The following CCSER1 variants were observed in gnomAD, a reference collection of about 807,000 sequenced individuals.
CCSER1 encodes the protein serine-rich coiled-coil domain-containing protein 1.
Under a neutral mutation model 82.0 loss-of-function variants are expected in CCSER1, and 41 were observed. The ratio of observed to expected loss-of-function variants is 0.50; its 90% CI spans 0.39 to 0.65. CCSER1 has a LOEUF of 0.65. CCSER1 is among the 30% of genes least tolerant of loss of function. The pLI is 0.00. For synonymous variants in CCSER1, 414 were observed against 383.9 expected, an observed-to-expected ratio of 1.08 and a Z score of -0.92; for missense variants, 1,119 against 1,064.2, an observed-to-expected ratio of 1.05 and a Z score of -0.72.
At chr4:91,532,187 T>A (rs941041047) in intron 10 of CCSER1, among the ~76,000 whole-genome samples, 1 of 152,210 alleles carries the variant, frequency 6.6e-6, no homozygotes, top group Non-Finnish European at 1.5e-5. Context: ...GGTCTTCATA[T>A]TGAAGGAGAG....
At chr4:90,544,272 C>T (rs938890654) in intron 5 of CCSER1, among the ~76,000 whole-genome samples, 1 of 152,058 alleles carries the variant, frequency 6.6e-6, no homozygotes, top group Non-Finnish European at 1.5e-5. Context: ...GTTGTAAGTC[C>T]AGGTGTCCCC....
chr4:90,958,289 T>G (rs1375098066), intron 9 of CCSER1, among the ~76,000 whole-genome samples: 9 of 152,208 alleles, frequency 5.9e-5, no homozygotes, highest in Non-Finnish European at 1.3e-4. Context: ...AAGTTTATAA[T>G]AAGTAACTAG....
chr4:91,022,157 C>A (rs1361778486), intron 9 of CCSER1, among the ~76,000 whole-genome samples: 4 of 129,208 alleles, frequency 3.1e-5, no homozygotes, highest in Non-Finnish European at 6.5e-5. Context: ...CCCCCTCCCC[C>A]CACCCCACAC....
chr4:90,718,889 GC>G (rs545255112), intron 6 of CCSER1, among the ~76,000 whole-genome samples: 148 of 152,058 alleles, frequency 9.7e-4, no homozygotes, highest in Non-Finnish European at 1.8e-3. Context: ...TCCAACCTCA[GC>G]AGAGTACATT....
At chr4:90,902,809 G>T (rs964633307) in intron 8 of CCSER1, among the ~76,000 whole-genome samples, 1 of 152,020 alleles carries the variant, frequency 6.6e-6, no homozygotes, top group Non-Finnish European at 1.5e-5. Context: ...GTAGGTTGAT[G>T]ATGAGTGGAA....
At chr4:90,615,316 CATA>C (rs1412019065) in intron 5 of CCSER1, among the ~76,000 whole-genome samples, 9 of 152,112 alleles carry the variant, frequency 5.9e-5, no homozygotes, top group African/African-American at 2.2e-4. Flanking sequence ...CTCAAGTCTT[CATA>C]TTTAAGAAAT....
At position 91,098,565 on chromosome 4, in the gene CCSER1, G is replaced by A. The variant is rs183224372; in HGVS notation, c.2217+12571G>A. Among the ~76,000 whole-genome samples the A allele has an allele frequency of 2.7e-5, 4 of 147,182 alleles. No individual in the cohort carries two copies. The East Asian group carries it at 5.9e-4, about 22-fold the overall frequency. On this transcript the variant is annotated intron_variant, in intron 10 of 10. Transcript: ENST00000509176. Reference sequence around the variant, plus strand: ...GATAATTTTTTTTTTTTTTTGAGATGGAGTCTTGCTGTGTTGCCCAGGCTG... The same window carrying A: ...GATAATTTTTTTTTTTTTTTGAGATAGAGTCTTGCTGTGTTGCCCAGGCTG...
At chr4:90,804,034 C>A (rs1265901782) in intron 7 of CCSER1, among the ~76,000 whole-genome samples, 1 of 152,064 alleles carries the variant, frequency 6.6e-6, no homozygotes, top group Non-Finnish European at 1.5e-5. Flanking sequence ...CTGTTCATAT[C>A]CTTTGCCCAC....
intron 6 of CCSER1, among the ~76,000 whole-genome samples, chr4:90,710,355 T>C (rs1174610215): frequency 6.6e-6 from 1 of 152,194 alleles, no homozygotes; most frequent in Non-Finnish European, 1.5e-5. Flanking sequence ...TGGTCAATTT[T>C]TGCTTTTGCT....
At chr4:90,664,799 C>T (rs1484293850) in intron 6 of CCSER1, among the ~76,000 whole-genome samples, 1 of 152,088 alleles carries the variant, frequency 6.6e-6, no homozygotes, top group Non-Finnish European at 1.5e-5. Context: ...ACTCGGGAGG[C>T]TGAGGCAGGA....
chr4:90,236,652 G>T (rs1199045306), intron 1 of CCSER1, among the ~76,000 whole-genome samples: 1 of 152,018 alleles, frequency 6.6e-6, no homozygotes, highest in Non-Finnish European at 1.5e-5. Context: ...TTAGAATAAG[G>T]TGAGGTTCTT....
At chr4:90,631,435 C>G (rs1030979455) in intron 6 of CCSER1, among the ~76,000 whole-genome samples, 2 of 152,044 alleles carry the variant, frequency 1.3e-5, no homozygotes, top group Non-Finnish European at 2.9e-5. Flanking sequence ...TTCTTGTGAG[C>G]AAATCAAGTT....
chr4:91,500,367 A>G (rs551462173), intron 10 of CCSER1, among the ~76,000 whole-genome samples: 8 of 152,164 alleles, frequency 5.3e-5, no homozygotes, highest in South Asian at 4.1e-4. Context: ...TATATTTTGG[A>G]TAAGTCCTTT....
At chr4:91,336,349 C>A (rs1012258892) in intron 10 of CCSER1, among the ~76,000 whole-genome samples, 1 of 152,024 alleles carries the variant, frequency 6.6e-6, no homozygotes, top group South Asian at 2.1e-4. Flanking sequence ...ATTTAATATT[C>A]TATAAAGCTA....
chr4:90,376,065 T>A (rs1312816364), intron 3 of CCSER1, among the ~76,000 whole-genome samples: 1 of 152,118 alleles, frequency 6.6e-6, no homozygotes, highest in African/African-American at 2.4e-5. Flanking sequence ...AACTTGCCTC[T>A]CTTCTGAAAA....
chr4:91,539,564 C>G (rs192961065), intron 10 of CCSER1, among the ~76,000 whole-genome samples: 1 of 152,136 alleles, frequency 6.6e-6, no homozygotes, highest in East Asian at 1.9e-4. Context: ...TTTGGTCATC[C>G]ATGGTATTGC....
intron 1 of CCSER1, among the ~76,000 whole-genome samples, chr4:90,143,678 T>C (rs1189642931): frequency 1.4e-5 from 2 of 146,906 alleles, no homozygotes; most frequent in Admixed American, 1.4e-4. Flanking sequence ...TACTTCTCCA[T>C]TCCTACTTTT....
intron 3 of CCSER1, among the ~76,000 whole-genome samples, chr4:90,355,578 A>G (rs1744239434): frequency 6.6e-6 from 1 of 152,012 alleles, no homozygotes; most frequent in African/African-American, 2.4e-5. Context: ...TGAGGTTCCC[A>G]CATACTCCTG....
intron 3 of CCSER1, among the ~76,000 whole-genome samples, chr4:90,344,749 A>G (rs1472037385): frequency 6.6e-6 from 1 of 152,120 alleles, no homozygotes; most frequent in Admixed American, 6.5e-5. Context: ...TGCCAGGTAT[A>G]GTAACTTGTG....
Sources: allele counts gnomAD v4.1 joint callset (sites outside exome capture counted in the v4.1 genomes callset), GRCh38; gene constraint gnomAD v4.1.1; transcripts MANE v1.5; gene names NCBI Gene and HGNC (gene_info 2026-07-23, HGNC 2026-07-21).